Variants in ACSS3 observed in about 807,000 individuals in gnomAD.
The protein encoded by ACSS3 is acyl-CoA synthetase short chain family member 3, also known as acyl-CoA synthetase short-chain family member 3, mitochondrial.
Under a neutral mutation model 84.2 loss-of-function variants are expected in ACSS3, and 64 were observed. The observed-to-expected ratio is 0.76, with a 90% CI of 0.62 to 0.94. The LOEUF (loss-of-function observed/expected upper bound fraction) is 0.94. ACSS3 is among the 40% of genes least tolerant of loss of function. The pLI, the probability that ACSS3 is intolerant of heterozygous loss-of-function variation, is 0.00. For synonymous variants in ACSS3, 317 were observed against 310.1 expected, an observed-to-expected ratio of 1.02 and a Z score of -0.23; for missense variants, 815 against 867.6, an observed-to-expected ratio of 0.94 and a Z score of 0.76.
At position 81,217,014 on chromosome 12, in the gene ACSS3, T is replaced by C. The variant is rs1229078459; in HGVS notation, c.1450+18T>C. Reference sequence around the variant, plus strand: ...ATACAATGGTAAGGAATGACCCTGATAATACGTAAAGTTAATAAATTTGGC... The same window carrying C: ...ATACAATGGTAAGGAATGACCCTGACAATACGTAAAGTTAATAAATTTGGC... On this transcript the variant is annotated intron_variant, in intron 10 of 15. Coordinates refer to ENST00000548058, the MANE Select transcript of ACSS3 (RefSeq NM_024560.4). 1.3e-6 allele frequency: 2 copies of C among 1,588,822 alleles called. No individual in the cohort carries two copies. Among genetic ancestry groups the C allele is most frequent in the African/African-American group, 2.7e-5 (2 of 74,352 alleles).
chr12:81,098,608 C>T (rs1882259742), intron 1 of ACSS3, among the ~76,000 whole-genome samples: 2 of 152,120 alleles, frequency 1.3e-5, no homozygotes, highest in South Asian at 2.1e-4. Context: ...GTTAAATGCT[C>T]ATAGCATTGT....
At chr12:81,210,963 T>G (rs1468357097) in intron 9 of ACSS3, among the ~76,000 whole-genome samples, 1 of 152,136 alleles carries the variant, frequency 6.6e-6, no homozygotes, top group Admixed American at 6.5e-5. Context: ...CATTTTTAAT[T>G]TAATTAATTA....
At position 81,236,265 on chromosome 12, in the gene ACSS3, A is replaced by G. The variant is rs2033626694; in HGVS notation, c.1719+2794A>G. 4.0e-5 allele frequency among the ~76,000 whole-genome samples: 6 copies of G among 151,550 alleles called. No individual in the cohort carries two copies. The South Asian group carries it at 1.2e-3, about 31-fold the overall frequency. On this transcript the variant is annotated intron_variant, in intron 13 of 15. Transcript: ENST00000548058. ...CAATGTTACGTGAATTACATTAAATAATTTTCAGCTTTTGAACCAGTCGTG... is the reference window on the plus strand; with the variant it reads ...CAATGTTACGTGAATTACATTAAATGATTTTCAGCTTTTGAACCAGTCGTG...
Position 81,199,326 on chromosome 12 carries a change from C to T in ACSS3, c.1251-15C>T, listed in dbSNP as rs1002412583. 2 of 1,584,688 alleles carry T rather than the reference C, an allele frequency of 1.3e-6. No individual in the cohort carries two copies. The highest frequency in any genetic ancestry group is 1.7e-6 in the Non-Finnish European group (2 of 1,164,302). ...ATTTTCCAGGAATAATTTGAATTCA[C>T]TGTCTCATATTCAGGTTCAAAACAT... On this transcript the variant is annotated splice_polypyrimidine_tract_variant and intron_variant, in intron 8 of 15. Coordinates refer to ENST00000548058, the MANE Select transcript of ACSS3 (RefSeq NM_024560.4).
At chr12:81,168,331 T>C (rs1331882913) in intron 7 of ACSS3, among the ~76,000 whole-genome samples, 1 of 152,176 alleles carries the variant, frequency 6.6e-6, no homozygotes, top group Non-Finnish European at 1.5e-5. Flanking sequence ...TTTCATATAC[T>C]TCGACAATTT....
At chr12:81,110,780 A>G (rs542349217) in intron 2 of ACSS3, among the ~76,000 whole-genome samples, 3 of 152,296 alleles carry the variant, frequency 2.0e-5, no homozygotes, top group Admixed American at 6.5e-5. Context: ...ACTGGTTGAG[A>G]AACTGAAGTT....
At chr12:81,134,534 T>C (rs1885686730) in intron 2 of ACSS3, among the ~76,000 whole-genome samples, 1 of 152,168 alleles carries the variant, frequency 6.6e-6, no homozygotes, top group Non-Finnish European at 1.5e-5. Flanking sequence ...TGGTGTATAA[T>C]AGTTGCTCAG....
chr12:81,116,297 A>G (rs1383721070), intron 2 of ACSS3, among the ~76,000 whole-genome samples: 1 of 152,098 alleles, frequency 6.6e-6, no homozygotes, highest in Non-Finnish European at 1.5e-5. Flanking sequence ...ACAAATTTTA[A>G]TAGAAAGTAT....
At chr12:81,142,994 T>C (rs1413131558) in intron 4 of ACSS3, 113 bp from the exon 5 acceptor site, 2 of 1,004,038 alleles carry the variant, frequency 2.0e-6, no homozygotes, top group Non-Finnish European at 2.7e-6. Context: ...TTCAGTGCCA[T>C]ATAGGCCTAG....
intron 8 of ACSS3, among the ~76,000 whole-genome samples, chr12:81,183,300 C>T (rs1359719794): frequency 6.6e-6 from 1 of 151,736 alleles, no homozygotes; most frequent in Non-Finnish European, 1.5e-5. Flanking sequence ...AACCACAAAA[C>T]AAAAATCTAC....
At chr12:81,118,907 A>G (rs2121528472) in intron 2 of ACSS3, among the ~76,000 whole-genome samples, 1 of 152,292 alleles carries the variant, frequency 6.6e-6, no homozygotes, top group South Asian at 2.1e-4. Flanking sequence ...TGATAATGTA[A>G]CAACAAAGCT....
intron 7 of ACSS3, among the ~76,000 whole-genome samples, chr12:81,173,367 A>C (rs763717284): frequency 3.3e-5 from 5 of 152,214 alleles, no homozygotes; most frequent in Non-Finnish European, 7.4e-5. Context: ...TGATAATAAA[A>C]ATGAATTTTC....
At chr12:81,104,892 A>T (rs886382821) in intron 1 of ACSS3, 1 of 152,158 alleles carries the variant, frequency 6.6e-6, no homozygotes, top group Non-Finnish European at 1.5e-5. Flanking sequence ...ATTTTTATAG[A>T]TTTAGAAGGT....
At chr12:81,225,363 T>C (rs1183105915) in intron 11 of ACSS3, among the ~76,000 whole-genome samples, 1 of 151,996 alleles carries the variant, frequency 6.6e-6, no homozygotes, top group Non-Finnish European at 1.5e-5. Flanking sequence ...ACAGAAAGCA[T>C]GCACTTATTT....
rs988139387 is a variant in ACSS3, at chr12:81,207,946, T to C, written c.1354+8502T>C. 3.9e-5 allele frequency among the ~76,000 whole-genome samples: 6 copies of C among 152,110 alleles called. No individual in the cohort carries two copies. The South Asian group carries it at 1.2e-3, about 32-fold the overall frequency. ...AGTGTCTCATAGCTCGAATTAATGG[T>C]CTTCTTCCTATACAAAGAAGCAACC... On this transcript the variant is annotated intron_variant, in intron 9 of 15. Coordinates refer to ENST00000548058, the MANE Select transcript of ACSS3 (RefSeq NM_024560.4).
At chr12:81,244,373 G>A (rs780157696) in intron 13 of ACSS3, among the ~76,000 whole-genome samples, 63 of 151,680 alleles carry the variant, frequency 4.2e-4, no homozygotes, top group Admixed American at 1.8e-3. Context: ...CTTGCTTGAT[G>A]TTTTCTGCAA....
At chr12:81,102,284 C>T (rs970065937) in intron 1 of ACSS3, among the ~76,000 whole-genome samples, 2 of 152,110 alleles carry the variant, frequency 1.3e-5, no homozygotes, top group African/African-American at 4.8e-5. Context: ...GATTTCTAGA[C>T]TTTCCGGAAG....
intron 2 of ACSS3, among the ~76,000 whole-genome samples, chr12:81,118,308 G>T (rs1884229826): frequency 6.6e-6 from 1 of 152,054 alleles, no homozygotes; most frequent in South Asian, 2.1e-4. Context: ...GGTTTAGCTT[G>T]GCATGACCCA....
intron 13 of ACSS3, among the ~76,000 whole-genome samples, chr12:81,244,983 G>A (rs1193936217): frequency 2.0e-5 from 3 of 151,898 alleles, no homozygotes; most frequent in Admixed American, 6.6e-5. Flanking sequence ...GTAATTGCCT[G>A]TTGAAATACT....
Sources: gnomAD v4.1 joint callset for allele counts (sites outside exome capture counted in the v4.1 genomes callset) on GRCh38, gnomAD v4.1.1 for gene constraint, MANE v1.5 for transcripts, NCBI Gene and HGNC (gene_info 2026-07-23, HGNC 2026-07-21) for gene names.